The following MANBA variants were observed in gnomAD, a reference collection of about 807,000 sequenced individuals.
MANBA encodes the protein beta-mannosidase.
Under a neutral mutation model 111.1 loss-of-function variants are expected in MANBA, and 83 were observed. The observed-to-expected ratio is 0.75, with a 90% CI of 0.63 to 0.90. The LOEUF is 0.90. Among genes scored for constraint, MANBA ranks in the 40% least tolerant of loss-of-function variants. The pLI is 0.00. For missense variants in MANBA, 1,036 were observed against 1,069.0 expected (o/e 0.97, Z 0.43); for synonymous variants, 370 against 378.7 (o/e 0.98, Z 0.27).
intron 1 of MANBA, among the ~76,000 whole-genome samples, chr4:102,747,456 C>T (rs1455467396): frequency 6.6e-6 from 1 of 152,210 alleles, no homozygotes; most frequent in East Asian, 1.9e-4. Context: ...CTTTCCCAGT[C>T]CACTGAGTCA....
Position 102,634,931 on chromosome 4 carries a change from G to C in MANBA, c.2272C>G (p.Leu758Val). The C allele has an allele frequency of 6.2e-7, 1 of 1,614,190 alleles. No individual in the cohort carries two copies. Among genetic ancestry groups the C allele is most frequent in the Non-Finnish European group, 8.5e-7 (1 of 1,180,040 alleles). The change falls in exon 16 of 17, where the codon CTG becomes GTG. Residue 758 changes from leucine (L) to valine (V), a missense_variant. By Grantham distance (32) the Leu-to-Val change is conservative. Transcript: ENST00000647097. ...CLYEEPVSEL[L>V]RRCGNCTRES... Reference sequence around the variant, plus strand: ...CGTGTGCAATTCCCACATCTCCTCAGCAATTCAGACACTGGCTCCTCATAA... The same window carrying C: ...CGTGTGCAATTCCCACATCTCCTCACCAATTCAGACACTGGCTCCTCATAA...
chr4:102,636,185 A>T (rs1050046912), intron 14 of MANBA, among the ~76,000 whole-genome samples, 178 bp from the exon 15 acceptor site: 1 of 152,220 alleles, frequency 6.6e-6, no homozygotes, highest in African/African-American at 2.4e-5. Flanking sequence ...ACATTATGTC[A>T]TGTCACCCTC....
chr4:102,700,563 T>C (rs1732981029), intron 5 of MANBA, among the ~76,000 whole-genome samples: 1 of 152,158 alleles, frequency 6.6e-6, no homozygotes, highest in South Asian at 2.1e-4. Context: ...GTTGTGTCTT[T>C]GTTCTCGTTG....
At chr4:102,677,764 C>T (rs1476896640) in intron 7 of MANBA, among the ~76,000 whole-genome samples, 1 of 152,096 alleles carries the variant, frequency 6.6e-6, no homozygotes, top group African/African-American at 2.4e-5. Flanking sequence ...CCTTTGTCTC[C>T]TACTAAACAA....
At chr4:102,636,945 T>C (rs1377503863) in intron 14 of MANBA, among the ~76,000 whole-genome samples, 2 of 152,202 alleles carry the variant, frequency 1.3e-5, no homozygotes, top group Non-Finnish European at 2.9e-5. Context: ...AGGAGGTAAC[T>C]GAACCATGGG....
intron 1 of MANBA, chr4:102,728,945 C>G: frequency 1.3e-6 from 1 of 771,702 alleles, no homozygotes; most frequent in Non-Finnish European, 2.3e-6. Flanking sequence ...TGTATGGATA[C>G]TCATGTTCTG....
At chr4:102,747,747 T>C (rs573449476) in intron 1 of MANBA, among the ~76,000 whole-genome samples, 1 of 152,290 alleles carries the variant, frequency 6.6e-6, no homozygotes, top group Admixed American at 6.5e-5. Context: ...AATTAGTAAA[T>C]ATTGCTTCCC....
chr4:102,646,793 T>C (rs1257021551), intron 13 of MANBA, among the ~76,000 whole-genome samples: 2 of 151,936 alleles, frequency 1.3e-5, no homozygotes, highest in African/African-American at 2.4e-5. Context: ...GAGTAAAAGG[T>C]AAGGCAAGAT....
chr4:102,714,343 A>G (rs1282303629), intron 5 of MANBA, 95 bp downstream of exon 5: 28 of 1,237,864 alleles, frequency 2.3e-5, no homozygotes, highest in Non-Finnish European at 3.0e-5. Flanking sequence ...AAAATTCTAA[A>G]TCTCTGAAAA....
At chr4:102,640,593 G>A (rs139850768) in intron 13 of MANBA, among the ~76,000 whole-genome samples, 181 of 152,300 alleles carry the variant, frequency 1.2e-3, no homozygotes, top group African/African-American at 4.2e-3. Flanking sequence ...GCCTGGAGTT[G>A]TGCTGAGGAG....
chr4:102,640,601 G>A (rs1259753455), intron 13 of MANBA, among the ~76,000 whole-genome samples: 3 of 152,174 alleles, frequency 2.0e-5, no homozygotes, highest in African/African-American at 7.2e-5. Context: ...TTGTGCTGAG[G>A]AGGGGCTCAT....
In MANBA at chr4:102,655,635, T is replaced by C. The variant is rs78790844; in HGVS notation, c.1704+2047A>G. On this transcript the variant is annotated intron_variant, in intron 12 of 16. Transcript: ENST00000647097. ...GAACCTGAACTCCTACCTTCTACCA[T>C]ACATAAAAAATAACCCAAAATGATC... Among the ~76,000 whole-genome samples, 284 of 152,276 alleles carry C rather than the reference T, an allele frequency of 1.9e-3. 3 individuals are homozygous for C. The highest frequency in any genetic ancestry group is 6.6e-3 in the African/African-American group (275 of 41,550).
In MANBA at chr4:102,635,956, G is replaced by T; in HGVS notation, c.2066C>A (p.Ala689Asp). 2 of 1,613,068 alleles carry T rather than the reference G, an allele frequency of 1.2e-6. No homozygotes were observed. The highest frequency in any genetic ancestry group is 1.7e-6 in the Non-Finnish European group (2 of 1,179,004). The change falls in exon 15 of 17, where the codon GCT (alanine) becomes GAT (aspartate). Residue 689 changes from alanine to aspartate, a missense_variant. By Grantham distance (126) the Ala-to-Asp change is moderately radical. Coordinates refer to ENST00000647097, the MANE Select transcript of MANBA (RefSeq NM_005908.4). ...CTCAAAGCCTACTGGCAACAGTGGA[G>T]CAAAGAAATTCTGAGCAAAGTAATG... ...MLHYFAQNFFAPLLPVGFENE... is the reference protein window; with the variant it reads ...MLHYFAQNFFDPLLPVGFENE...
intron 11 of MANBA, among the ~76,000 whole-genome samples, chr4:102,664,362 T>C (rs916776727): frequency 3.9e-5 from 6 of 151,998 alleles, no homozygotes; most frequent in Non-Finnish European, 7.4e-5. Flanking sequence ...CTTTTTTTTT[T>C]TTTTGAGACG....
intron 14 of MANBA, among the ~76,000 whole-genome samples, chr4:102,636,564 G>C (rs1269202663): frequency 6.6e-6 from 1 of 152,032 alleles, no homozygotes; most frequent in African/African-American, 2.4e-5. Flanking sequence ...TAACCATTTC[G>C]GGTGATAAGA....
intron 12 of MANBA, among the ~76,000 whole-genome samples, chr4:102,653,266 A>AC (rs1491437291): frequency 2.2e-5 from 3 of 133,566 alleles, no homozygotes; most frequent in African/African-American, 2.8e-5. Context: ...ACACACACAC[A>AC]AGGTATTTAC....
At chr4:102,751,241 T>C (rs1419061090) in intron 1 of MANBA, among the ~76,000 whole-genome samples, 3 of 152,186 alleles carry the variant, frequency 2.0e-5, no homozygotes, top group Non-Finnish European at 4.4e-5. Context: ...AGAATGATTG[T>C]GGGTGGAGCA....
At chr4:102,648,492 A>G (rs987975648) in intron 13 of MANBA, among the ~76,000 whole-genome samples, 1 of 152,170 alleles carries the variant, frequency 6.6e-6, no homozygotes, top group Admixed American at 6.6e-5. Context: ...AAGATCACAT[A>G]TTGTATAATT....
chr4:102,753,231 T>G (rs1324396473), intron 1 of MANBA, among the ~76,000 whole-genome samples: 1 of 152,134 alleles, frequency 6.6e-6, no homozygotes, highest in African/African-American at 2.4e-5. Flanking sequence ...ATTTTTATGT[T>G]ATATTTGTCT....
Sources: allele counts gnomAD v4.1 joint callset (sites outside exome capture counted in the v4.1 genomes callset), GRCh38; gene constraint gnomAD v4.1.1; transcripts MANE v1.5; gene names NCBI Gene and HGNC (gene_info 2026-07-23, HGNC 2026-07-21).